The following PLBD2 variants were observed in gnomAD, a reference collection of about 807,000 sequenced individuals.
PLBD2 encodes the protein phospholipase B domain containing 2.
In PLBD2, 51 loss-of-function variants were observed where a neutral mutation model predicts 68.3. That is an observed-to-expected ratio of 0.75 (90% confidence interval 0.60 to 0.94). PLBD2 has a LOEUF of 0.94. Among genes scored for constraint, PLBD2 ranks in the 40% least tolerant of loss-of-function variants. The probability of loss-of-function intolerance (pLI) is 0.00; values close to 1 mark genes in which losing one functional copy is unlikely to be tolerated. For missense variants in PLBD2, 729 were observed against 792.2 expected (o/e 0.92, Z 0.96); for synonymous variants, 314 against 339.3 (o/e 0.93, Z 0.82).
intron 2 of PLBD2, among the ~76,000 whole-genome samples, 165 bp downstream of exon 2, chr12:113,369,374 C>G (rs758231517): frequency 7.2e-5 from 11 of 152,156 alleles, no homozygotes; most frequent in Non-Finnish European, 1.3e-4. Context: ...GAAAATTACA[C>G]TAGGGGCCGG....
At chr12:113,381,686 T>C (rs892515449) in intron 6 of PLBD2, among the ~76,000 whole-genome samples, 3 of 152,304 alleles carry the variant, frequency 2.0e-5, no homozygotes, top group Admixed American at 2.0e-4. Flanking sequence ...TGGTTCCACC[T>C]GGTTACCAGG....
chr12:113,369,309 C>T, intron 2 of PLBD2, 100 bp downstream of exon 2: 2 of 816,668 alleles, frequency 2.4e-6, no homozygotes, highest in Non-Finnish European at 3.5e-6. Flanking sequence ...AGGCCCCCAA[C>T]TCCTGCCACA....
Position 113,384,088 on chromosome 12 carries a change from C to G in PLBD2, c.958-17C>G. The G allele has an allele frequency of 6.3e-7, 1 of 1,592,730 alleles. No individual in the cohort carries two copies. The highest frequency in any genetic ancestry group is 8.6e-7 in the Non-Finnish European group (1 of 1,165,938). ...GCATGCCTAGGCTGTGCAGCAGCCC[C>G]CTTGACCTTCCCACAGGTGACACTG... is the stretch of plus-strand genomic sequence containing the variant. On this transcript the variant is annotated splice_polypyrimidine_tract_variant and intron_variant, in intron 6 of 11. Transcript: ENST00000280800. This position sits in a 1 kb window ranked among gnomAD's most constrained non-coding sequence, Gnocchi z 4.2.
chr12:113,372,632 C>G lies in PLBD2; in HGVS notation c.385-17C>G, dbSNP rs1957398952. The G allele has an allele frequency of 1.2e-6, 2 of 1,607,778 alleles. No homozygotes were observed. The highest frequency in any genetic ancestry group is 2.7e-5 in the African/African-American group (2 of 74,838). ...CCCAGCTGCCCGCCCTTGCCTCGCC[C>G]ACCCCCTACCCCACAGCTCATCTAC... is the stretch of plus-strand genomic sequence containing the variant. On this transcript the variant is annotated splice_polypyrimidine_tract_variant and intron_variant, in intron 2 of 11. Coordinates refer to ENST00000280800, the MANE Select transcript of PLBD2 (RefSeq NM_173542.4). This position sits in a 1 kb window ranked among gnomAD's most constrained non-coding sequence, Gnocchi z 4.2.
intron 10 of PLBD2, 35 bp from the exon 11 acceptor site, chr12:113,387,709 G>T: frequency 1.9e-6 from 3 of 1,603,000 alleles, no homozygotes; most frequent in Non-Finnish European, 2.6e-6. Context: ...TCTCCTTCCT[G>T]GGATGACTGA....
intron 1 of PLBD2, among the ~76,000 whole-genome samples, chr12:113,366,055 C>G (rs181533986): frequency 1.6e-4 from 25 of 152,312 alleles, no homozygotes; most frequent in Non-Finnish European, 4.4e-5. Flanking sequence ...CCCTCAATGT[C>G]TGGCAGCCAG....
intron 6 of PLBD2, among the ~76,000 whole-genome samples, chr12:113,382,835 T>TTTTTTG (rs1335785271): frequency 4.7e-5 from 5 of 106,532 alleles, no homozygotes; most frequent in Non-Finnish European, 5.5e-5. Context: ...TGGTGGTTTT[T>TTTTTTG]TGTGTGTGTG....
intron 1 of PLBD2, among the ~76,000 whole-genome samples, chr12:113,364,675 T>TG (rs879798110): frequency 5.3e-5 from 8 of 152,134 alleles, no homozygotes; most frequent in Non-Finnish European, 1.2e-4. Context: ...TTGTCCAGGC[T>TG]GGTCTCTTAC....
chr12:113,387,103 G>C lies in PLBD2; in HGVS notation c.1439+14G>C. 1 of 1,563,736 alleles carries C rather than the reference G, an allele frequency of 6.4e-7. No individual in the cohort carries two copies. The highest frequency in any genetic ancestry group is 8.7e-7 in the Non-Finnish European group (1 of 1,155,370). ...CAGGCTGATGAGGTAGGTGCCAGTT[G>C]GGTGGTGGGTTGGGGAGAGGGAGGC... On this transcript the variant is annotated intron_variant, in intron 10 of 11. Coordinates refer to ENST00000280800, the MANE Select transcript of PLBD2 (RefSeq NM_173542.4).
Position 113,372,612 on chromosome 12 carries a change from C to T in PLBD2, c.385-37C>T. The T allele has an allele frequency of 1.3e-6, 2 of 1,599,058 alleles. No homozygotes were observed. Among genetic ancestry groups the T allele is most frequent in the South Asian group, 1.1e-5 (1 of 89,812 alleles). ...GCTCTCAGGGAAGAGAGCACCCCAG[C>T]TGCCCGCCCTTGCCTCGCCCACCCC... is the stretch of plus-strand genomic sequence containing the variant. On this transcript the variant is annotated intron_variant, in intron 2 of 11. Coordinates refer to ENST00000280800, the MANE Select transcript of PLBD2 (RefSeq NM_173542.4). This position sits in a 1 kb window ranked among gnomAD's most constrained non-coding sequence, Gnocchi z 4.2.
rs1957255600 is a variant in PLBD2, at chr12:113,358,642, C to T, written c.42C>T (p.Ala14=). 1.4e-6 allele frequency: 2 copies of T among 1,464,292 alleles called. No individual in the cohort carries two copies. The highest frequency in any genetic ancestry group is 2.7e-5 in the Admixed American group (1 of 36,474). 90.7% of individuals were successfully genotyped at this position (1,464,292 alleles called of 1,614,324 possible). The stretch of plus-strand genomic sequence containing the variant: ...ACTGCTACCCCGGCAGCCACCTGGC[C>T]CGGGCGCTGACGCGGGCGCTGGCGC... ...QMYCYPGSHL[A]RALTRALALA... is the part of the protein sequence containing the mutation. The change falls in exon 1 of 12, where the codon GCC becomes GCT. Residue 14 remains alanine (A), a synonymous_variant. Transcript: ENST00000280800.
intron 1 of PLBD2, among the ~76,000 whole-genome samples, chr12:113,363,353 T>C (rs1026826397): frequency 6.6e-6 from 1 of 151,990 alleles, no homozygotes; most frequent in Admixed American, 6.6e-5. Context: ...GAGGACTGCT[T>C]GAGTCCAGGT....
chr12:113,382,835 T>TTTTTTGTGTG (rs1335785271), intron 6 of PLBD2, among the ~76,000 whole-genome samples: 2 of 106,606 alleles, frequency 1.9e-5, no homozygotes, highest in African/African-American at 3.8e-5. Flanking sequence ...TGGTGGTTTT[T>TTTTTTGTGTG]TGTGTGTGTG....
chr12:113,360,956 G>T (rs1418321438), intron 1 of PLBD2, among the ~76,000 whole-genome samples: 3 of 152,050 alleles, frequency 2.0e-5, no homozygotes, highest in Admixed American at 2.0e-4. Context: ...CTCCTCTTAC[G>T]CTCACATGCC....
chr12:113,367,679 G>A (rs1222381388), intron 1 of PLBD2, among the ~76,000 whole-genome samples: 3 of 151,584 alleles, frequency 2.0e-5, no homozygotes, highest in African/African-American at 7.3e-5. Context: ...GAGCCTGGGA[G>A]GCCGGAGGCT....
chr12:113,362,634 C>G (rs1957305622), intron 1 of PLBD2, among the ~76,000 whole-genome samples: 1 of 151,796 alleles, frequency 6.6e-6, no homozygotes, highest in South Asian at 2.1e-4. Context: ...CCTACTGCTG[C>G]CAACTTTTAA....
chr12:113,386,878 A>C, intron 9 of PLBD2, 59 bp from the exon 10 acceptor site: 1 of 1,579,900 alleles, frequency 6.3e-7, no homozygotes, highest in South Asian at 1.2e-5. Flanking sequence ...CTCCCTGGCC[A>C]CAGCCTTGGC....
chr12:113,374,154 A>G (rs1957415645), intron 3 of PLBD2, among the ~76,000 whole-genome samples: 1 of 152,200 alleles, frequency 6.6e-6, no homozygotes, highest in Admixed American at 6.5e-5. Context: ...TGAACTCAGA[A>G]CAGGAGCAGT....
chr12:113,361,228 C>T (rs181392624), intron 1 of PLBD2, among the ~76,000 whole-genome samples: 81 of 152,088 alleles, frequency 5.3e-4, no homozygotes, highest in African/African-American at 1.9e-3. Context: ...CTCCTCCTTC[C>T]TGGTGAAATC....
Sources: gnomAD v4.1 joint callset for allele counts (sites outside exome capture counted in the v4.1 genomes callset) on GRCh38, gnomAD v4.1.1 for gene constraint, Gnocchi (gnomAD v3.1) non-coding constraint, MANE v1.5 for transcripts, NCBI Gene and HGNC (gene_info 2026-07-23, HGNC 2026-07-21) for gene names.